Variants in FAM174B observed in about 807,000 individuals in gnomAD.
The protein encoded by FAM174B is membrane protein FAM174B.
FAM174B carries 12 observed loss-of-function variants against 10.9 expected under a neutral mutation model. That is an observed-to-expected ratio of 1.10 (90% CI 0.71 to 1.79). The LOEUF is 1.79. FAM174B is among the 40% of genes most tolerant of loss of function. The probability of loss-of-function intolerance (pLI) is 0.00; values close to 1 mark genes in which losing one functional copy is unlikely to be tolerated. For missense variants in FAM174B, 266 were observed against 233.3 expected (o/e 1.14, Z -0.91); for synonymous variants, 132 against 115.8 (o/e 1.14, Z -0.90).
intron 1 of FAM174B, chr15:92,634,315 C>G (rs1365599582): frequency 2.6e-5 from 4 of 152,218 alleles, no homozygotes; most frequent in Non-Finnish European, 5.9e-5. Flanking sequence ...TCATTGCATA[C>G]TTGGAACTTG....
intron 1 of FAM174B, chr15:92,639,136 C>T (rs2050874537): frequency 6.6e-6 from 1 of 152,298 alleles, no homozygotes; most frequent in Non-Finnish European, 1.5e-5. Flanking sequence ...CTTCACACTC[C>T]AACAAGAGGG....
At chr15:92,646,036 A>G (rs540919006) in intron 1 of FAM174B, among the ~76,000 whole-genome samples, 1 of 140,858 alleles carries the variant, frequency 7.1e-6, no homozygotes, top group African/African-American at 2.6e-5. Context: ...CCCCTTCTCT[A>G]TGCCCTTCAG....
chr15:92,653,894 A>G (rs2141967343), intron 1 of FAM174B, among the ~76,000 whole-genome samples: 1 of 152,376 alleles, frequency 6.6e-6, no homozygotes, highest in African/African-American at 2.4e-5. Flanking sequence ...CAAATGCCAC[A>G]CCCAGGTATT....
chr15:92,637,482 G>A (rs1355406478), intron 1 of FAM174B, among the ~76,000 whole-genome samples: 1 of 152,154 alleles, frequency 6.6e-6, no homozygotes, highest in South Asian at 2.1e-4. Context: ...TAACTGCCTC[G>A]AGGTCTCAGG....
At chr15:92,649,662 A>G (rs577902813) in intron 1 of FAM174B, among the ~76,000 whole-genome samples, 60 of 152,362 alleles carry the variant, frequency 3.9e-4, no homozygotes, top group African/African-American at 1.2e-3. Context: ...CCCATATCAG[A>G]CAACCAGCAG....
At chr15:92,648,898 T>C (rs149051499) in intron 1 of FAM174B, among the ~76,000 whole-genome samples, 27 of 152,336 alleles carry the variant, frequency 1.8e-4, no homozygotes, top group African/African-American at 5.8e-4. Context: ...GAAACAATAA[T>C]AACATGATCC....
intron 1 of FAM174B, chr15:92,634,633 A>G (rs2050841378): frequency 6.6e-6 from 1 of 152,214 alleles, no homozygotes; most frequent in Non-Finnish European, 1.5e-5. Context: ...AAGCAACCCC[A>G]GGAAATAAAA....
At chr15:92,642,295 C>T (rs562215879) in intron 1 of FAM174B, among the ~76,000 whole-genome samples, 1 of 152,338 alleles carries the variant, frequency 6.6e-6, no homozygotes, top group East Asian at 1.9e-4. Flanking sequence ...TATGACCCAG[C>T]AATTCCACTC....
At chr15:92,631,620 G>A (rs1404449131) in intron 1 of FAM174B, among the ~76,000 whole-genome samples, 15 of 143,130 alleles carry the variant, frequency 1.0e-4, no homozygotes, top group African/African-American at 2.6e-4. Flanking sequence ...TCAGCCTCCC[G>A]AGTAGCTGGG....
chr15:92,628,173 T>A (rs974948114), intron 2 of FAM174B, among the ~76,000 whole-genome samples: 2 of 79,354 alleles, frequency 2.5e-5, no homozygotes, highest in African/African-American at 4.2e-5. Context: ...TTCCCAAAAT[T>A]TTTTTTTTTG....
At chr15:92,622,140 T>C (rs919796649) in intron 2 of FAM174B, among the ~76,000 whole-genome samples, 3 of 152,166 alleles carry the variant, frequency 2.0e-5, no homozygotes, top group Admixed American at 6.5e-5. Context: ...CCTCCGTAAG[T>C]GTCTGGGCAT....
intron 1 of FAM174B, among the ~76,000 whole-genome samples, chr15:92,647,017 GA>G (rs1262404647): frequency 6.6e-6 from 1 of 152,206 alleles, no homozygotes; most frequent in Non-Finnish European, 1.5e-5. Context: ...ATTTGGCTCA[GA>G]ATAAATCTCT....
intron 2 of FAM174B, among the ~76,000 whole-genome samples, chr15:92,621,960 G>A (rs1380181914): frequency 3.2e-4 from 49 of 152,250 alleles, no homozygotes; most frequent in Admixed American, 3.2e-3. Flanking sequence ...AGGAACTGGA[G>A]AGGAGCAGTG....
At chr15:92,630,039 T>C (rs2050780433) in intron 2 of FAM174B, 175 bp downstream of exon 2, 2 of 512,600 alleles carry the variant, frequency 3.9e-6, no homozygotes, top group East Asian at 6.2e-5. Context: ...ATGTCTTTAT[T>C]AGCAGCATGA....
At chr15:92,627,188 T>C (rs2050758912) in intron 2 of FAM174B, 1 of 152,694 alleles carries the variant, frequency 6.5e-6, no homozygotes, top group South Asian at 2.1e-4. Flanking sequence ...AGACCAGGTG[T>C]CTCACTAACT....
chr15:92,619,214 G>A lies in FAM174B; in HGVS notation c.*242C>T, dbSNP rs1208932198. On this transcript the variant is annotated 3_prime_UTR_variant, in exon 3 of 3. Coordinates refer to ENST00000327355, the MANE Select transcript of FAM174B (RefSeq NM_207446.3). Reference sequence around the variant, plus strand: ...CTTACATGGGGAGTAGAAGTAGGGGGCACTTTAAAGGGATGCCCAAAGGGT... The same window carrying A: ...CTTACATGGGGAGTAGAAGTAGGGGACACTTTAAAGGGATGCCCAAAGGGT... 3 of 703,224 alleles carry A rather than the reference G, an allele frequency of 4.3e-6. No individual in the cohort carries two copies. The highest frequency in any genetic ancestry group is 2.0e-5 in the Admixed American group (1 of 50,010). The allele number at this position is 703,224 out of a possible 1,614,324, so 43.6% of individuals were successfully genotyped here.
chr15:92,645,902 C>T (rs558610255), intron 1 of FAM174B, among the ~76,000 whole-genome samples: 24 of 152,322 alleles, frequency 1.6e-4, no homozygotes, highest in Middle Eastern at 6.8e-3. Flanking sequence ...CCCAATGCCC[C>T]TCCACCCAGC....
Position 92,640,780 on chromosome 15 carries a change from G to A in FAM174B, c.345-10435C>T, listed in dbSNP as rs145308488. The stretch of plus-strand genomic sequence containing the variant: ...CTGCCTCAGCCTCCCAAGTAGCTGG[G>A]ATTACAGGCACACACCACCACACTC... On this transcript the variant is annotated intron_variant, in intron 1 of 2. Transcript: ENST00000327355. 3.9e-3 allele frequency among the ~76,000 whole-genome samples: 595 copies of A among 151,916 alleles called. 2 individuals carry two copies. The highest frequency in any genetic ancestry group is 0.014 in the African/African-American group (577 of 41,392).
At chr15:92,636,794 A>T (rs757243597) in intron 1 of FAM174B, among the ~76,000 whole-genome samples, 1 of 150,562 alleles carries the variant, frequency 6.6e-6, no homozygotes, top group African/African-American at 2.5e-5. Flanking sequence ...ACCCCCACTC[A>T]CTCCCATCCA....
Sources: allele counts gnomAD v4.1 joint callset (sites outside exome capture counted in the v4.1 genomes callset), GRCh38; gene constraint gnomAD v4.1.1; transcripts MANE v1.5; gene names NCBI Gene and HGNC (gene_info 2026-07-23, HGNC 2026-07-21).